ARHGAP8: variants seen among roughly 807,000 people sequenced by gnomAD.
ARHGAP8 encodes the protein Rho GTPase activating protein 8.
In ARHGAP8, 62 loss-of-function variants were observed where a neutral mutation model predicts 46.1. That is an observed-to-expected ratio of 1.34 (90% confidence interval 1.10 to 1.66). The LOEUF is 1.66. ARHGAP8 is among the 40% of genes most tolerant of loss of function. ARHGAP8 has a pLI of 0.00. For synonymous variants in ARHGAP8, 375 were observed against 243.1 expected (o/e 1.54, Z -5.05); for missense variants, 923 against 568.4 (o/e 1.62, Z -6.34).
At chr22:44,812,810 A>C (rs1602211928) in intron 4 of ARHGAP8, among the ~76,000 whole-genome samples, 2 of 152,194 alleles carry the variant, frequency 1.3e-5, no homozygotes, top group Middle Eastern at 3.4e-3. Flanking sequence ...TCTGATGAGC[A>C]CTCGGCATCT....
At chr22:44,762,142 G>A (rs1413652227) in intron 1 of ARHGAP8, among the ~76,000 whole-genome samples, 1 of 152,216 alleles carries the variant, frequency 6.6e-6, no homozygotes, top group Non-Finnish European at 1.5e-5. Flanking sequence ...GGGGGCTGTG[G>A]TATAATGAAT....
intron 7 of ARHGAP8, among the ~76,000 whole-genome samples, chr22:44,832,184 A>T (rs1329664935): frequency 2.2e-4 from 25 of 113,740 alleles, no homozygotes; most frequent in South Asian, 5.4e-4. Flanking sequence ...TTTTTGTTAA[A>T]TTTTTTTTTT....
At chr22:44,838,418 G>A (rs1360008626) in intron 7 of ARHGAP8, among the ~76,000 whole-genome samples, 1 of 152,128 alleles carries the variant, frequency 6.6e-6, no homozygotes, top group African/African-American at 2.4e-5. Flanking sequence ...CTACAGGCGT[G>A]AGCCACCGTA....
At chr22:44,861,730 C>CCTT (rs1358762025) in intron 11 of ARHGAP8, among the ~76,000 whole-genome samples, 2 of 152,178 alleles carry the variant, frequency 1.3e-5, no homozygotes, top group African/African-American at 4.8e-5. Context: ...GTCTCCTGTA[C>CCTT]CTTCCAGGCC....
At chr22:44,766,712 C>G (rs913848871) in intron 1 of ARHGAP8, among the ~76,000 whole-genome samples, 2 of 152,282 alleles carry the variant, frequency 1.3e-5, no homozygotes, top group African/African-American at 4.8e-5. Flanking sequence ...CCTTCCTCTC[C>G]CCAGTCCTGG....
intron 2 of ARHGAP8, among the ~76,000 whole-genome samples, chr22:44,800,227 C>A (rs1306929131): frequency 1.3e-5 from 2 of 151,824 alleles, no homozygotes; most frequent in Admixed American, 1.3e-4. Flanking sequence ...CCTCAGCCTC[C>A]CAGGTAGCTA....
chr22:44,781,896 G>A (rs921120557), intron 1 of ARHGAP8, among the ~76,000 whole-genome samples: 1 of 152,124 alleles, frequency 6.6e-6, no homozygotes, highest in Non-Finnish European at 1.5e-5. Context: ...GTGCAGTGAT[G>A]TGAAATTGGC....
intron 7 of ARHGAP8, 59 bp downstream of exon 7, chr22:44,825,652 G>T: frequency 3.9e-6 from 6 of 1,530,734 alleles, no homozygotes; most frequent in Non-Finnish European, 5.3e-6. Context: ...GCTGTGGGGC[G>T]CTTCTGGGTC....
chr22:44,801,687 C>T lies in ARHGAP8; in HGVS notation c.80-390C>T, dbSNP rs190066159. 9.9e-5 allele frequency: 23 copies of T among 233,168 alleles called. 1 individual carries two copies. In the East Asian group the frequency reaches 2.4e-3, roughly 25 times the overall value. The allele number at this position is 233,168 out of a possible 1,614,324, so 14.4% of individuals were successfully genotyped here. On this transcript the variant is annotated intron_variant, in intron 2 of 11. Transcript: ENST00000356099. ...TCCCCCAGGCCACCCTGGCCTCCAC[C>T]ATGGCCCAGAATCATGGGGTGGGGG... is the stretch of plus-strand genomic sequence containing the variant.
chr22:44,846,371 C>A (rs2069956132), intron 8 of ARHGAP8, among the ~76,000 whole-genome samples: 1 of 152,212 alleles, frequency 6.6e-6, no homozygotes, highest in African/African-American at 2.4e-5. Context: ...AGAGCCCCTC[C>A]TCACTTGTAG....
chr22:44,820,016 C>T (rs1188782360), intron 5 of ARHGAP8, among the ~76,000 whole-genome samples: 1 of 152,218 alleles, frequency 6.6e-6, no homozygotes, highest in Non-Finnish European at 1.5e-5. Context: ...CTTGGGCAGC[C>T]ACATAACCTC....
chr22:44,804,874 G>A (rs1928825300), intron 3 of ARHGAP8, among the ~76,000 whole-genome samples: 1 of 152,206 alleles, frequency 6.6e-6, no homozygotes, highest in Non-Finnish European at 1.5e-5. Flanking sequence ...GAGACCTGGC[G>A]GGGAGCAGGT....
chr22:44,833,943 A>AT (rs1931123197), intron 7 of ARHGAP8, among the ~76,000 whole-genome samples: 1 of 152,124 alleles, frequency 6.6e-6, no homozygotes, highest in African/African-American at 2.4e-5. Flanking sequence ...TTGGCATGTA[A>AT]TTGTTCATAG....
Position 44,862,284 on chromosome 22 carries a change from G to A in ARHGAP8, c.991G>A (p.Glu331Lys). ...GTGTGGTTTCCTCCAGGTGTCCCGG[G>A]AGAGCATCTTCAACAAAATGAACAG... The part of the protein sequence containing the change: ...LMGFLHAVSR[E>K]SIFNKMNSSN... The change falls in exon 12 of 12, where the codon GAG becomes AAG. Residue 331 changes from glutamate to lysine, a missense_variant. Transcript: ENST00000356099. The A allele has an allele frequency of 6.3e-7, 1 of 1,593,358 alleles. No individual in the cohort carries two copies. Among genetic ancestry groups the A allele is most frequent in the Non-Finnish European group, 8.6e-7 (1 of 1,164,578 alleles).
At chr22:44,754,226 G>A (rs1278826142) in intron 1 of ARHGAP8, among the ~76,000 whole-genome samples, 3 of 152,146 alleles carry the variant, frequency 2.0e-5, no homozygotes, top group African/African-American at 7.2e-5. Context: ...GGAAGAGAAT[G>A]GCACCTACTG....
intron 4 of ARHGAP8, among the ~76,000 whole-genome samples, chr22:44,810,831 G>A (rs1463744669): frequency 6.6e-6 from 1 of 152,180 alleles, no homozygotes; most frequent in East Asian, 1.9e-4. Flanking sequence ...AAAGGAGGGA[G>A]GGGCACAGAG....
At chr22:44,775,109 G>A (rs1224250562) in intron 1 of ARHGAP8, among the ~76,000 whole-genome samples, 1 of 152,230 alleles carries the variant, frequency 6.6e-6, no homozygotes, top group Non-Finnish European at 1.5e-5. Flanking sequence ...TGGGATTATA[G>A]GCACGAGCCA....
chr22:44,845,490 C>G (rs762584319), intron 8 of ARHGAP8, 148 bp downstream of exon 8: 5 of 1,088,952 alleles, frequency 4.6e-6, no homozygotes, highest in East Asian at 2.5e-5. Flanking sequence ...GGTCTGGGCT[C>G]TGGCCTCGGA....
chr22:44,753,285 C>T (rs1350286126), intron 1 of ARHGAP8, among the ~76,000 whole-genome samples: 1 of 150,752 alleles, frequency 6.6e-6, no homozygotes, highest in African/African-American at 2.5e-5. Context: ...TGCAGTGTTG[C>T]ATCTCTGCTC....
Sources: gnomAD v4.1 joint callset for allele counts (sites outside exome capture counted in the v4.1 genomes callset) on GRCh38, gnomAD v4.1.1 for gene constraint, MANE v1.5 for transcripts, NCBI Gene and HGNC (gene_info 2026-07-23, HGNC 2026-07-21) for gene names.